CES5A: variants seen among roughly 807,000 people sequenced by gnomAD.
CES5A encodes the protein carboxylesterase 5A.
CES5A carries 67 observed loss-of-function variants against 62.9 expected under a neutral mutation model. The ratio of observed to expected loss-of-function variants is 1.07; its 90% CI spans 0.88 to 1.31. The LOEUF is 1.31. CES5A is among the 50% of genes most tolerant of loss of function. The pLI, the probability that CES5A is intolerant of heterozygous loss-of-function variation, is 0.00. For synonymous variants in CES5A, 296 were observed against 280.8 expected (o/e 1.05, Z -0.54); for missense variants, 748 against 708.5 (o/e 1.06, Z -0.63).
chr16:55,888,211 C>T (rs2033837323), intron 1 of CES5A, among the ~76,000 whole-genome samples: 1 of 152,168 alleles, frequency 6.6e-6, no homozygotes, highest in Non-Finnish European at 1.5e-5. Flanking sequence ...CTGATTTCAG[C>T]TGCAGTTGTT....
chr16:55,909,664 G>A (rs2034073735), intron 1 of CES5A, among the ~76,000 whole-genome samples: 1 of 152,038 alleles, frequency 6.6e-6, no homozygotes, highest in Non-Finnish European at 1.5e-5. Flanking sequence ...TAAGAAAAAG[G>A]GGCCAGTGGC....
chr16:55,851,481 A>G (rs2033131900), intron 10 of CES5A, among the ~76,000 whole-genome samples: 1 of 152,254 alleles, frequency 6.6e-6, no homozygotes, highest in South Asian at 2.1e-4. Context: ...TTTAAAAAAC[A>G]ACAACAGAAG....
At chr16:55,877,355 C>T (rs1325058738), upstream of CES5A, among the ~76,000 whole-genome samples, 4 of 151,826 alleles carry the variant, frequency 2.6e-5, no homozygotes, top group Non-Finnish European at 4.4e-5. Flanking sequence ...ACCAGAGAGG[C>T]GAAGAATTCT....
rs763172536 is a variant in CES5A at position 55,846,773 on chromosome 16, T to G, written c.1491A>C (p.Arg497=). Residue 497 remains arginine (R), a synonymous_variant, in exon 12 of 13, where the codon CGA becomes CGC. Coordinates refer to ENST00000290567, the MANE Select transcript of CES5A (RefSeq NM_001143685.2). ...AGACCGGGAGGTTTACTTACCCGGT[T>G]CGAGCAAAGGTAGCCCAGTATTTCA... ...KMMKYWATFA[R]TGNPNGNDLS... is the part of the protein sequence containing the mutation. The G allele has an allele frequency of 6.2e-7, 1 of 1,614,164 alleles. No homozygotes were observed. The highest frequency in any genetic ancestry group is 2.2e-5 in the East Asian group (1 of 44,878).
At chr16:55,911,853 A>C (rs532913412) in intron 1 of CES5A, among the ~76,000 whole-genome samples, 76 of 152,166 alleles carry the variant, frequency 5.0e-4, no homozygotes, top group African/African-American at 1.8e-3. Flanking sequence ...TGAGCCAGCT[A>C]CCTCCAAACA....
chr16:55,859,830 T>C, intron 7 of CES5A, 143 bp from the exon 8 acceptor site: 1 of 677,114 alleles, frequency 1.5e-6, no homozygotes, highest in Non-Finnish European at 2.5e-6. Flanking sequence ...ACAAACACTA[T>C]GGGCCCAGCT....
intron 1 of CES5A, among the ~76,000 whole-genome samples, chr16:55,899,224 G>A (rs2033964873): frequency 6.6e-6 from 1 of 152,194 alleles, no homozygotes; most frequent in Non-Finnish European, 1.5e-5. Context: ...GAGCAGCTCT[G>A]ATTGGTAGCA....
Position 55,919,370 on chromosome 16 carries a change from G to A in CES5A, c.-256+5953C>T, listed in dbSNP as rs182444655. Among the ~76,000 whole-genome samples the A allele has an allele frequency of 6.1e-4, 93 of 152,344 alleles. 1 individual carries two copies. The highest frequency in any genetic ancestry group is 6.1e-3 in the Admixed American group (93 of 15,302). Reference sequence around the variant, plus strand: ...AGTCACTTGGGTGCCACTGTGATTAGTTTCATGTCCATTGCCTGCTGGTTA... The same window carrying A: ...AGTCACTTGGGTGCCACTGTGATTAATTTCATGTCCATTGCCTGCTGGTTA... On this transcript the variant is annotated intron_variant, in intron 1 of 12. Transcript: ENST00000518005.
At chr16:55,919,189 C>T (rs1356381277) in intron 1 of CES5A, among the ~76,000 whole-genome samples, 1 of 152,240 alleles carries the variant, frequency 6.6e-6, no homozygotes, top group African/African-American at 2.4e-5. Context: ...CGCCCCAGGG[C>T]ACAGGCCTCC....
chr16:55,886,915 G>A (rs2033821800), intron 1 of CES5A, among the ~76,000 whole-genome samples: 1 of 152,058 alleles, frequency 6.6e-6, no homozygotes. Context: ...TTGTGGTTAA[G>A]GATGGGTCTG....
chr16:55,949,042 C>T (rs1489024990), intron 2 of CES5A, among the ~76,000 whole-genome samples: 1 of 152,148 alleles, frequency 6.6e-6, no homozygotes, highest in South Asian at 2.1e-4. Flanking sequence ...AATCCCAGGG[C>T]AGGTTTAAAG....
At chr16:55,848,879 A>G (rs1230529885) in intron 11 of CES5A, among the ~76,000 whole-genome samples, 1 of 152,158 alleles carries the variant, frequency 6.6e-6, no homozygotes, top group East Asian at 1.9e-4. Flanking sequence ...CCTTATGACA[A>G]CCTAGGAGGA....
At chr16:55,887,784 A>C (rs1316270143) in intron 1 of CES5A, among the ~76,000 whole-genome samples, 1 of 152,164 alleles carries the variant, frequency 6.6e-6, no homozygotes, top group African/African-American at 2.4e-5. Context: ...CAAATTTACC[A>C]GTTGTGGGTT....
chr16:55,918,584 A>T (rs550343129), intron 1 of CES5A, among the ~76,000 whole-genome samples: 2 of 152,332 alleles, frequency 1.3e-5, no homozygotes, highest in South Asian at 4.1e-4. Flanking sequence ...GATCATTGTA[A>T]CATCATTCTT....
chr16:55,854,549 T>C (rs1204345795), intron 9 of CES5A, among the ~76,000 whole-genome samples: 1 of 121,206 alleles, frequency 8.3e-6, no homozygotes, highest in Non-Finnish European at 1.7e-5. Context: ...TTTTTCTTTT[T>C]TTTTTTTTGA....
intron 8 of CES5A, among the ~76,000 whole-genome samples, chr16:55,858,878 T>G (rs1381322531): frequency 6.6e-6 from 1 of 152,046 alleles, no homozygotes; most frequent in Non-Finnish European, 1.5e-5. Context: ...CAACAATCAC[T>G]CCCTAGAAGA....
chr16:55,892,119 A>G (rs950138804), intron 1 of CES5A, among the ~76,000 whole-genome samples: 2 of 152,180 alleles, frequency 1.3e-5, no homozygotes, highest in Non-Finnish European at 2.9e-5. Context: ...TGAGACTTCA[A>G]AAGAAACTTG....
chr16:55,877,217 C>T (rs1429115936), upstream of CES5A, among the ~76,000 whole-genome samples: 4 of 152,022 alleles, frequency 2.6e-5, no homozygotes, highest in South Asian at 2.1e-4. Flanking sequence ...GCAAGGAGTG[C>T]GGGTGGGGTG....
chr16:55,928,812 T>A (rs1300737489), upstream of CES5A, among the ~76,000 whole-genome samples: 1 of 152,166 alleles, frequency 6.6e-6, no homozygotes, highest in African/African-American at 2.4e-5. Flanking sequence ...TCCTCTTCAA[T>A]GCCTTTCCCC....
Sources: allele counts gnomAD v4.1 joint callset (sites outside exome capture counted in the v4.1 genomes callset), GRCh38; gene constraint gnomAD v4.1.1; transcripts MANE v1.5; gene names NCBI Gene and HGNC (gene_info 2026-07-23, HGNC 2026-07-21).